The following DLG1 variants were observed in gnomAD, a reference collection of about 807,000 sequenced individuals.
The protein encoded by DLG1 is disks large homolog 1.
In DLG1, 42 loss-of-function variants were observed where a neutral mutation model predicts 123.4. The ratio of observed to expected loss-of-function variants is 0.34; its 90% CI spans 0.27 to 0.44. DLG1 has a LOEUF of 0.44. Among genes scored for constraint, DLG1 ranks in the 20% least tolerant of loss-of-function variants. The pLI is 1.00. For synonymous variants in DLG1, 317 were observed against 356.2 expected (o/e 0.89, Z 1.24); for missense variants, 942 against 1,082.6 (o/e 0.87, Z 1.82).
At chr3:197,152,572 C>A (rs1029698537) in intron 5 of DLG1, among the ~76,000 whole-genome samples, 3 of 151,356 alleles carry the variant, frequency 2.0e-5, no homozygotes, top group African/African-American at 4.9e-5. Flanking sequence ...GTCAGGAGAT[C>A]GAGACCATCC....
chr3:197,093,035 T>C (rs1020972848), intron 14 of DLG1, among the ~76,000 whole-genome samples: 2 of 152,208 alleles, frequency 1.3e-5, no homozygotes, highest in East Asian at 1.9e-4. Flanking sequence ...GATCCTTATA[T>C]GTCAACATTT....
chr3:197,238,005 A>G (rs1746884043), intron 4 of DLG1, among the ~76,000 whole-genome samples: 1 of 152,224 alleles, frequency 6.6e-6, no homozygotes, highest in Admixed American at 6.5e-5. Context: ...TACCCCATGC[A>G]GTGTTAGTGA....
chr3:197,063,347 A>G (rs545283290), intron 22 of DLG1, among the ~76,000 whole-genome samples: 317 of 152,272 alleles, frequency 2.1e-3, no homozygotes, highest in African/African-American at 7.4e-3. Context: ...ACAAAAATGT[A>G]TACTCAGAGA....
chr3:197,069,619 A>C (rs1161422075), intron 18 of DLG1: 2 of 162,084 alleles, frequency 1.2e-5, no homozygotes, highest in Non-Finnish European at 2.7e-5. Context: ...AACAGCGTTA[A>C]CTGGCAAAGG....
chr3:197,059,131 T>C lies in DLG1; in HGVS notation c.2483+758A>G, dbSNP rs992024129. Among the ~76,000 whole-genome samples the C allele has an allele frequency of 1.6e-4, 25 of 152,326 alleles. 1 individual carries two copies. Among genetic ancestry groups the C allele is most frequent in the Admixed American group, 1.2e-3 (19 of 15,306 alleles). ...TAGTAGAGACGGGGTTTCACCGTGTTGGCCAGGATGGTCTCGATCTCCTGA... is the reference window on the plus strand; with the variant it reads ...TAGTAGAGACGGGGTTTCACCGTGTCGGCCAGGATGGTCTCGATCTCCTGA... On this transcript the variant is annotated intron_variant, in intron 23 of 24. Coordinates refer to ENST00000667157, the MANE Select transcript of DLG1 (RefSeq NM_001366207.1).
At chr3:197,140,960 G>A (rs1025364084) in intron 7 of DLG1, among the ~76,000 whole-genome samples, 18 of 152,258 alleles carry the variant, frequency 1.2e-4, no homozygotes, top group Admixed American at 1.1e-3. Context: ...ATGAACTGGA[G>A]AAACAAGATT....
intron 4 of DLG1, among the ~76,000 whole-genome samples, chr3:197,268,635 T>C (rs1197096081): frequency 6.6e-6 from 1 of 151,936 alleles, no homozygotes; most frequent in African/African-American, 2.4e-5. Context: ...CCCAGGCTGA[T>C]CTATACTAAA....
At chr3:197,081,980 C>T (rs1751416233) in intron 16 of DLG1, among the ~76,000 whole-genome samples, 1 of 152,170 alleles carries the variant, frequency 6.6e-6, no homozygotes, top group South Asian at 2.1e-4. Flanking sequence ...GAAAAGCCTA[C>T]CAAAACAAGA....
At chr3:197,121,125 C>G (rs994920671) in intron 11 of DLG1, among the ~76,000 whole-genome samples, 23 of 152,196 alleles carry the variant, frequency 1.5e-4, no homozygotes, top group African/African-American at 5.3e-4. Flanking sequence ...AGAAAATATA[C>G]ATTTTCCCTG....
At chr3:197,110,044 G>A (rs1181111843) in intron 13 of DLG1, among the ~76,000 whole-genome samples, 4 of 152,102 alleles carry the variant, frequency 2.6e-5, no homozygotes, top group Admixed American at 6.5e-5. Context: ...AGTTCTAGAA[G>A]TTTTTGGGCG....
chr3:197,111,399 A>G (rs1464575468), intron 13 of DLG1, among the ~76,000 whole-genome samples: 1 of 152,210 alleles, frequency 6.6e-6, no homozygotes, highest in African/African-American at 2.4e-5. Flanking sequence ...ACTCTAGGCT[A>G]AACGAAAATT....
chr3:197,198,376 T>C (rs1723732410), intron 4 of DLG1, among the ~76,000 whole-genome samples: 1 of 151,492 alleles, frequency 6.6e-6, no homozygotes, highest in South Asian at 2.1e-4. Context: ...TAGTCCCAAC[T>C]ACTTGGGAGG....
intron 4 of DLG1, among the ~76,000 whole-genome samples, chr3:197,276,498 A>C (rs1766498988): frequency 2.0e-5 from 3 of 152,220 alleles, no homozygotes; most frequent in Admixed American, 6.5e-5. Flanking sequence ...TTGCATTTTT[A>C]AGTGTGGCTG....
intron 17 of DLG1, 54 bp from the exon 18 acceptor site, chr3:197,076,739 A>G (rs1226491531): frequency 7.2e-7 from 1 of 1,385,398 alleles, no homozygotes; most frequent in Non-Finnish European, 1.0e-6. Context: ...CTGTGTGTAC[A>G]AAGGCCCAGC....
rs1157450269 is a variant in DLG1 at position 197,194,549 on chromosome 3, T to C, written c.359A>G (p.His120Arg). The C allele has an allele frequency of 1.1e-5, 18 of 1,606,490 alleles. No individual in the cohort carries two copies. Among genetic ancestry groups the C allele is most frequent in the Admixed American group, 6.8e-5 (4 of 58,598 alleles). ...YQDEDTPPQE[H>R]ISPQITNEVI... ...TTCATTTGTGATTTGTGGGGAAATA[T>C]GCTCTTGAGGAGGTGTATCTTCATC... Residue 120 changes from histidine (H) to arginine (R), a missense_variant, in exon 5 of 25, where the codon CAT (histidine) becomes CGT (arginine). His to Arg is a conservative substitution (Grantham distance 29). Transcript: ENST00000667157.
chr3:197,286,444 G>T (rs774488303), intron 3 of DLG1, among the ~76,000 whole-genome samples: 3 of 152,170 alleles, frequency 2.0e-5, no homozygotes, highest in African/African-American at 7.2e-5. Flanking sequence ...CCTTGCACGC[G>T]CAGTTCACGA....
At chr3:197,273,066 G>A (rs1212337813) in intron 4 of DLG1, among the ~76,000 whole-genome samples, 1 of 151,916 alleles carries the variant, frequency 6.6e-6, no homozygotes, top group Non-Finnish European at 1.5e-5. Flanking sequence ...TCACAATGCA[G>A]TAATTAATCA....
intron 5 of DLG1, among the ~76,000 whole-genome samples, chr3:197,159,500 A>C (rs1158955865): frequency 2.0e-5 from 3 of 152,216 alleles, no homozygotes; most frequent in African/African-American, 7.2e-5. Context: ...ACTAGATTCT[A>C]AATCTTTTCT....
intron 15 of DLG1, among the ~76,000 whole-genome samples, chr3:197,086,099 T>C (rs1458741099): frequency 6.6e-6 from 1 of 152,116 alleles, no homozygotes; most frequent in Non-Finnish European, 1.5e-5. Flanking sequence ...GATACATTCT[T>C]CTCTTTACTT....
Sources: gnomAD v4.1 joint callset for allele counts (sites outside exome capture counted in the v4.1 genomes callset) on GRCh38, gnomAD v4.1.1 for gene constraint, MANE v1.5 for transcripts, NCBI Gene and HGNC (gene_info 2026-07-23, HGNC 2026-07-21) for gene names.